The following NLRP11 variants were observed in gnomAD, a reference collection of about 807,000 sequenced individuals.
NLRP11 encodes NLR family pyrin domain containing 11.
A neutral mutation model predicts 79.3 loss-of-function variants in NLRP11; 53 were observed. The ratio of observed to expected loss-of-function variants is 0.67; its 90% CI spans 0.54 to 0.84. The LOEUF is 0.84. NLRP11 is among the 40% of genes least tolerant of loss of function. The pLI, the probability that NLRP11 is intolerant of heterozygous loss-of-function variation, is 0.00. For synonymous variants in NLRP11, 518 were observed against 462.6 expected, an observed-to-expected ratio of 1.12 and a Z score of -1.54; for missense variants, 1,264 against 1,255.0, an observed-to-expected ratio of 1.01 and a Z score of -0.11.
chr19:55,794,302 A>T (rs940210092), intron 6 of NLRP11, among the ~76,000 whole-genome samples: 1 of 152,222 alleles, frequency 6.6e-6, no homozygotes, highest in Non-Finnish European at 1.5e-5. Context: ...GGAAACAAAA[A>T]ACTTGTAGAT....
chr19:55,802,626 T>G (rs558873547), intron 4 of NLRP11, among the ~76,000 whole-genome samples: 1 of 152,330 alleles, frequency 6.6e-6, no homozygotes, highest in South Asian at 2.1e-4. Context: ...CCTATGAAAT[T>G]ACCAATGGCA....
chr19:55,798,333 A>G, intron 5 of NLRP11: 1 of 985,114 alleles, frequency 1.0e-6, no homozygotes, highest in Non-Finnish European at 1.2e-6. Flanking sequence ...AAAGCCGTTG[A>G]GGGCCTGAAG....
At position 55,809,043 on chromosome 19, in the gene NLRP11, ACT is replaced by A; in HGVS notation, c.1565_1566del (p.Lys522MetfsTer13). 4 of 1,614,086 alleles carry A rather than the reference ACT, an allele frequency of 2.5e-6. No individual in the cohort carries two copies. Among genetic ancestry groups the A allele is most frequent in the Non-Finnish European group, 3.4e-6 (4 of 1,180,024 alleles). Reference sequence around the variant, plus strand: ...TGTTTCATGTATCCCACCGAGTACCACTTGAAGCTGTCTACCATCGGTAGCTG... The same window carrying A: ...TGTTTCATGTATCCCACCGAGTACCATGAAGCTGTCTACCATCGGTAGCTG... On this transcript the variant is annotated frameshift_variant, in exon 3 of 10. Transcript: ENST00000589093. LOFTEE classifies it high-confidence loss of function. The surrounding 1 kb of genome is among the most constrained non-coding windows in gnomAD (Gnocchi z 4.5).
intron 7 of NLRP11, among the ~76,000 whole-genome samples, chr19:55,791,435 A>T (rs1448660302): frequency 6.6e-6 from 1 of 152,232 alleles, no homozygotes; most frequent in Admixed American, 6.5e-5. Flanking sequence ...CATGGATTTA[A>T]CTTATAACTA....
At chr19:55,818,595 C>G (rs1981371002) in intron 1 of NLRP11, among the ~76,000 whole-genome samples, 1 of 152,090 alleles carries the variant, frequency 6.6e-6, no homozygotes, top group African/African-American at 2.4e-5. Flanking sequence ...GACTTGTGGT[C>G]TCTTACAAGA....
At chr19:55,796,384 T>G in intron 5 of NLRP11, 134 bp from the exon 6 acceptor site, 1 of 736,472 alleles carries the variant, frequency 1.4e-6, no homozygotes. Context: ...ATCCCTTTGC[T>G]TCTAACCTTT....
rs569940927 is a variant in NLRP11 at position 55,804,792 on chromosome 19, C to T, written c.2004-3053G>A. On this transcript the variant is annotated intron_variant, in intron 4 of 9. Transcript: ENST00000589093. ...AAAAATAACAATTCACGGCTGGGTG[C>T]GGTGGCTCACCCCTGTAATCTCAGC... 4.0e-4 allele frequency among the ~76,000 whole-genome samples: 60 copies of T among 149,914 alleles called. No individual in the cohort carries two copies. In the East Asian group the frequency reaches 0.011, roughly 28 times the overall value.
At chr19:55,818,658 G>A (rs1347923762) in intron 1 of NLRP11, among the ~76,000 whole-genome samples, 1 of 152,096 alleles carries the variant, frequency 6.6e-6, no homozygotes, top group African/African-American at 2.4e-5. Context: ...TATAGCAATT[G>A]GCTGTATTTA....
At position 55,810,281 on chromosome 19, in the gene NLRP11, C is replaced by T; in HGVS notation, c.329G>A (p.Ser110Asn). 1 of 1,614,002 alleles carries T rather than the reference C, an allele frequency of 6.2e-7. No homozygotes were observed. Among genetic ancestry groups the T allele is most frequent in the Non-Finnish European group, 8.5e-7 (1 of 1,179,882 alleles). Residue 110 changes from serine (S) to asparagine (N), a missense_variant, in exon 3 of 10, where the codon AGT (serine) becomes AAT (asparagine). Transcript: ENST00000589093. The stretch of plus-strand genomic sequence containing the variant: ...ATAATGAAATTTTCCAAAAGTGTGA[C>T]TTTCCCATTGCAGCATGAATTTTCT...
rs1433693548 is a variant in NLRP11, at chr19:55,809,751, T to C, written c.859A>G (p.Thr287Ala). 1.2e-6 allele frequency: 2 copies of C among 1,613,982 alleles called. No homozygotes were observed. The highest frequency in any genetic ancestry group is 1.3e-5 in the African/African-American group (1 of 74,912). The change falls in exon 3 of 10, where the codon ACG (threonine) becomes GCG (alanine). Residue 287 changes from threonine (T) to alanine (A), a missense_variant. Physicochemically the swap from Thr to Ala is moderately conservative, Grantham distance 58. Coordinates refer to ENST00000589093, the Ensembl canonical transcript of NLRP11. The surrounding 1 kb of genome is among the most constrained non-coding windows in gnomAD (Gnocchi z 4.5). ...CAGCAATCTACCTCTTTCAAGAACGTTTTTACATTATTCCCACGTGTGGGC... is the reference window on the plus strand; with the variant it reads ...CAGCAATCTACCTCTTTCAAGAACGCTTTTACATTATTCCCACGTGTGGGC...
chr19:55,801,614 T>G, exon 5 of NLRP11: 2 of 1,614,120 alleles, frequency 1.2e-6, no homozygotes, highest in Middle Eastern at 1.6e-4. Context: ...CAGGATGTCA[T>G]GCAGAAGTGA....
Position 55,809,807 on chromosome 19 carries a change from GC to G in NLRP11, c.802del (p.Ala268LeufsTer18). 1 of 1,614,142 alleles carries G rather than the reference GC, an allele frequency of 6.2e-7. No individual in the cohort carries two copies. The highest frequency in any genetic ancestry group is 8.5e-7 in the Non-Finnish European group (1 of 1,179,984). On this transcript the variant is annotated frameshift_variant, in exon 3 of 10. Transcript: ENST00000589093. LOFTEE classifies it high-confidence loss of function. The surrounding 1 kb of genome is among the most constrained non-coding windows in gnomAD (Gnocchi z 4.5). ...GGAGATGAGGAACCAGCAGCCTGGAGCCATTTTTCTCTTCAGCAAACTGACC... is the reference window on the plus strand; with the variant it reads ...GGAGATGAGGAACCAGCAGCCTGGAGCATTTTTCTCTTCAGCAAACTGACC...
chr19:55,796,417 G>GA (rs1367079219), intron 5 of NLRP11, among the ~76,000 whole-genome samples, 167 bp from the exon 6 acceptor site: 31 of 152,084 alleles, frequency 2.0e-4, no homozygotes, highest in Admixed American at 2.0e-3. Context: ...CCACTCCTCA[G>GA]AGTTCAAATT....
chr19:55,789,094 C>T (rs1990081314), intron 8 of NLRP11, 117 bp from the exon 9 acceptor site: 1 of 1,398,160 alleles, frequency 7.2e-7, no homozygotes, highest in African/African-American at 1.4e-5. Context: ...AAAGAACTGA[C>T]TGTGCAATAA....
intron 2 of NLRP11, among the ~76,000 whole-genome samples, chr19:55,813,591 C>A (rs1038307317): frequency 6.6e-6 from 1 of 152,160 alleles, no homozygotes; most frequent in African/African-American, 2.4e-5. Flanking sequence ...GAAAAGAAAT[C>A]ATATCTGATA....
chr19:55,790,888 G>A (rs190037422), intron 7 of NLRP11, among the ~76,000 whole-genome samples: 111 of 152,328 alleles, frequency 7.3e-4, no homozygotes, highest in African/African-American at 2.6e-3. Context: ...GGGCTTCCAT[G>A]TGCCCTATGG....
intron 5 of NLRP11, among the ~76,000 whole-genome samples, chr19:55,796,777 C>T (rs1978942628): frequency 6.6e-6 from 1 of 151,904 alleles, no homozygotes. Context: ...ACCTCTGCCT[C>T]CCGGGTTTTT....
intron 5 of NLRP11, among the ~76,000 whole-genome samples, chr19:55,799,717 G>T (rs977549607): frequency 6.6e-6 from 1 of 152,034 alleles, no homozygotes; most frequent in Non-Finnish European, 1.5e-5. Context: ...AGAAAGTGAG[G>T]GGCTGGGTGC....
At position 55,827,635 on chromosome 19, in the gene NLRP11, C is replaced by A. The variant is rs970353920; in HGVS notation, c.-63+4328G>T. Among the ~76,000 whole-genome samples the A allele has an allele frequency of 2.1e-3, 273 of 132,674 alleles. 2 individuals are homozygous for A. Among genetic ancestry groups the A allele is most frequent in the African/African-American group, 8.8e-3 (265 of 30,166 alleles). 87.0% of individuals were successfully genotyped at this position (132,674 alleles called of 152,430 possible). A position where few individuals can be genotyped will look rare whatever the true frequency, so the allele number is the denominator to read the frequency against. On this transcript the variant is annotated intron_variant, in intron 1 of 9. Transcript: ENST00000589093. ...TAAACAGACACTTCTCAAAAGAAGA[C>A]ATTTATGCAGCCAAAAAAAACATGA...
Sources: gnomAD v4.1 joint callset for allele counts (sites outside exome capture counted in the v4.1 genomes callset) on GRCh38, gnomAD v4.1.1 for gene constraint, Gnocchi (gnomAD v3.1) non-coding constraint, MANE v1.5 for transcripts, NCBI Gene and HGNC (gene_info 2026-07-23, HGNC 2026-07-21) for gene names.